KCNC2: variants seen among roughly 807,000 people sequenced by gnomAD.
KCNC2 encodes the protein potassium voltage-gated channel subfamily C member 2, also known as voltage-gated potassium channel KCNC2.
Under a neutral mutation model 44.5 loss-of-function variants are expected in KCNC2, and 21 were observed. The ratio of observed to expected loss-of-function variants is 0.47; its 90% CI spans 0.33 to 0.68. The LOEUF (loss-of-function observed/expected upper bound fraction) is 0.68, where lower values mean the gene tolerates loss of function less well. Ranked by LOEUF, KCNC2 falls within the 30% of genes least tolerant of loss-of-function variation. The probability of loss-of-function intolerance (pLI) is 0.01; values close to 1 mark genes in which losing one functional copy is unlikely to be tolerated. For synonymous variants in KCNC2, 391 were observed against 339.1 expected (o/e 1.15, Z -1.68); for missense variants, 589 against 826.2 (o/e 0.71, Z 3.52).
At chr12:75,167,883 A>G (rs184559629) in intron 2 of KCNC2, among the ~76,000 whole-genome samples, 104 of 151,394 alleles carry the variant, frequency 6.9e-4, no homozygotes, top group African/African-American at 2.4e-3. Flanking sequence ...ATAGCCTTTG[A>G]TCTATAATGC....
intron 2 of KCNC2, among the ~76,000 whole-genome samples, chr12:75,155,590 T>TA (rs1890700828): frequency 6.6e-6 from 1 of 151,830 alleles, no homozygotes; most frequent in East Asian, 1.9e-4. Flanking sequence ...TAGTAAAAAT[T>TA]AATATCTAAT....
chr12:75,195,040 T>C (rs931344788), intron 2 of KCNC2, among the ~76,000 whole-genome samples: 1 of 152,208 alleles, frequency 6.6e-6, no homozygotes, highest in Non-Finnish European at 1.5e-5. Context: ...CAGAATCACA[T>C]TATCATTTTC....
rs951947240 is a variant in KCNC2, at chr12:75,126,793, T to C, written c.688-75476A>G. 5.3e-5 allele frequency among the ~76,000 whole-genome samples: 8 copies of C among 152,268 alleles called. No individual in the cohort carries two copies. The East Asian group carries it at 1.5e-3, about 29-fold the overall frequency. On this transcript the variant is annotated intron_variant, in intron 2 of 4. Coordinates refer to ENST00000549446, the MANE Select transcript of KCNC2 (RefSeq NM_139137.4). ...CAGGATAAGATATTTGTTATACAAA[T>C]ATTATTCTAGCAGTAAAGAAAATTA...
chr12:75,108,911 G>T (rs1322184993), intron 2 of KCNC2, among the ~76,000 whole-genome samples: 1 of 152,148 alleles, frequency 6.6e-6, no homozygotes, highest in Non-Finnish European at 1.5e-5. Flanking sequence ...AAGGAAAAGA[G>T]GGAATATTAT....
chr12:75,100,845 T>G (rs142337889), intron 2 of KCNC2, among the ~76,000 whole-genome samples: 265 of 152,232 alleles, frequency 1.7e-3, no homozygotes, highest in Admixed American at 4.0e-3. Flanking sequence ...TAATTTCTAT[T>G]GTATTGGACA....
At chr12:75,202,754 G>T (rs1373852777) in intron 2 of KCNC2, among the ~76,000 whole-genome samples, 2 of 149,044 alleles carry the variant, frequency 1.3e-5, no homozygotes, top group Non-Finnish European at 1.5e-5. Context: ...ATTTCTAAAA[G>T]GAATATTTTA....
At chr12:75,171,270 A>G (rs1891800772) in intron 2 of KCNC2, among the ~76,000 whole-genome samples, 1 of 151,798 alleles carries the variant, frequency 6.6e-6, no homozygotes, top group Non-Finnish European at 1.5e-5. Context: ...ACCTAATTAC[A>G]GAAATATCCC....
intron 2 of KCNC2, among the ~76,000 whole-genome samples, chr12:75,102,733 A>G (rs564572997): frequency 4.6e-4 from 70 of 152,190 alleles, no homozygotes; most frequent in African/African-American, 1.6e-3. Flanking sequence ...AGGACAGTAT[A>G]GAAAAAAGTA....
chr12:75,130,994 G>A (rs1366797899), intron 2 of KCNC2, among the ~76,000 whole-genome samples: 3 of 151,874 alleles, frequency 2.0e-5, no homozygotes, highest in East Asian at 1.9e-4. Context: ...ATACCCTTTG[G>A]GATATAACTA....
intron 2 of KCNC2, among the ~76,000 whole-genome samples, chr12:75,060,665 T>G (rs1215906131): frequency 6.6e-6 from 1 of 151,752 alleles, no homozygotes; most frequent in African/African-American, 2.4e-5. Context: ...GAGATGGGAT[T>G]TCACCATATT....
chr12:75,044,502 T>A (rs1002907629), intron 4 of KCNC2: 1 of 151,984 alleles, frequency 6.6e-6, no homozygotes, highest in African/African-American at 2.4e-5. Context: ...TTCAATCTTT[T>A]CATGGAACTT....
chr12:75,154,613 A>G (rs545499728), intron 2 of KCNC2, among the ~76,000 whole-genome samples: 17 of 152,200 alleles, frequency 1.1e-4, no homozygotes, highest in African/African-American at 4.1e-4. Context: ...CTGTGCTGCT[A>G]CAGCATACAT....
chr12:75,168,996 T>G (rs1238334381), intron 2 of KCNC2, among the ~76,000 whole-genome samples: 1 of 151,488 alleles, frequency 6.6e-6, no homozygotes, highest in Non-Finnish European at 1.5e-5. Context: ...GCCAGACAGA[T>G]GATGTTTTTA....
intron 2 of KCNC2, among the ~76,000 whole-genome samples, chr12:75,206,000 A>G (rs2137816970): frequency 6.6e-6 from 1 of 152,224 alleles, no homozygotes; most frequent in East Asian, 1.9e-4. Context: ...TACCAAGTCT[A>G]AAGGAGTAGC....
intron 2 of KCNC2, among the ~76,000 whole-genome samples, chr12:75,108,540 T>G (rs1190249998): frequency 2.0e-5 from 3 of 152,198 alleles, no homozygotes; most frequent in Non-Finnish European, 4.4e-5. Context: ...TAGAAGCAAT[T>G]ATTTTAAAAA....
rs912782045 is a variant in KCNC2 at position 75,041,684 on chromosome 12, G to A, written c.*1421C>T. 9.0e-6 allele frequency: 9 copies of A among 997,186 alleles called. 1 individual carries two copies. The highest frequency in any genetic ancestry group is 1.0e-4 in the East Asian group (1 of 9,644). 61.8% of individuals were successfully genotyped at this position (997,186 alleles called of 1,614,324 possible). On this transcript the variant is annotated 3_prime_UTR_variant, in exon 5 of 5. Coordinates refer to ENST00000549446, the MANE Select transcript of KCNC2 (RefSeq NM_139137.4). Reference sequence around the variant, plus strand: ...TTGTTGGAGTGTAGTAATGAATGCTGGTTGCTAGGTAGTAGAAACTGACAC... The same window carrying A: ...TTGTTGGAGTGTAGTAATGAATGCTAGTTGCTAGGTAGTAGAAACTGACAC...
intron 2 of KCNC2, among the ~76,000 whole-genome samples, chr12:75,134,779 C>T (rs897455900): frequency 2.7e-4 from 41 of 151,826 alleles, no homozygotes; most frequent in Admixed American, 3.3e-4. Flanking sequence ...TCTTAGAAAA[C>T]ACTTTCAGCC....
intron 2 of KCNC2, among the ~76,000 whole-genome samples, chr12:75,113,791 G>A (rs1887437526): frequency 6.6e-6 from 1 of 152,146 alleles, no homozygotes; most frequent in Admixed American, 6.6e-5. Flanking sequence ...GTGCAGTCTT[G>A]TCCATGTCCT....
At chr12:75,142,981 C>T (rs890591557) in intron 2 of KCNC2, among the ~76,000 whole-genome samples, 3 of 152,104 alleles carry the variant, frequency 2.0e-5, no homozygotes, top group African/African-American at 4.8e-5. Flanking sequence ...CATGATTTAA[C>T]ACCAATTAAT....
Sources: gnomAD v4.1 joint callset for allele counts (sites outside exome capture counted in the v4.1 genomes callset) on GRCh38, gnomAD v4.1.1 for gene constraint, MANE v1.5 for transcripts, NCBI Gene and HGNC (gene_info 2026-07-23, HGNC 2026-07-21) for gene names.